The following TNFRSF8 variants were observed in gnomAD, a reference collection of about 807,000 sequenced individuals.
TNFRSF8 encodes the protein tumor necrosis factor receptor superfamily member 8.
A neutral mutation model predicts 70.8 loss-of-function variants in TNFRSF8; 26 were observed. The ratio of observed to expected loss-of-function variants is 0.37; its 90% confidence interval spans 0.27 to 0.51. TNFRSF8 has a LOEUF of 0.51. Ranked by LOEUF, TNFRSF8 falls within the 20% of genes least tolerant of loss-of-function variation. The pLI, the probability that TNFRSF8 is intolerant of heterozygous loss-of-function variation, is 0.94. For missense variants in TNFRSF8, 720 were observed against 807.9 expected, an observed-to-expected ratio of 0.89 and a Z score of 1.32; for synonymous variants, 356 against 339.2, an observed-to-expected ratio of 1.05 and a Z score of -0.54.
chr1:12,118,651 G>C (rs1414468416), intron 8 of TNFRSF8, among the ~76,000 whole-genome samples: 1 of 152,112 alleles, frequency 6.6e-6, no homozygotes, highest in Non-Finnish European at 1.5e-5. Flanking sequence ...GGGATCAGAG[G>C]GCAAGAAAAG....
intron 12 of TNFRSF8, among the ~76,000 whole-genome samples, chr1:12,131,053 G>A (rs1009699231): frequency 2.0e-5 from 3 of 152,266 alleles, no homozygotes; most frequent in Non-Finnish European, 2.9e-5. Flanking sequence ...TCAGTGTGAC[G>A]GAGTGCAGAG....
Position 12,142,708 on chromosome 1 carries a change from A to C in TNFRSF8, c.*177A>C. 1 of 812,926 alleles carries C rather than the reference A, an allele frequency of 1.2e-6. No homozygotes were observed. Among genetic ancestry groups the C allele is most frequent in the South Asian group, 1.9e-5 (1 of 53,124 alleles). 50.4% of individuals were successfully genotyped at this position (812,926 alleles called of 1,614,324 possible). On this transcript the variant is annotated 3_prime_UTR_variant, in exon 15 of 15. Coordinates refer to ENST00000263932, the MANE Select transcript of TNFRSF8 (RefSeq NM_001243.5). The surrounding 1 kb of genome is among the most constrained non-coding windows in gnomAD (Gnocchi z 5.0). ...CTGGTGGTCTCTGCTTGCATCCCCA[A>C]CTTAGCTGTCCCCTGACCCAGAGCC...
At chr1:12,106,288 C>T (rs554224707) in intron 4 of TNFRSF8, among the ~76,000 whole-genome samples, 5 of 152,120 alleles carry the variant, frequency 3.3e-5, no homozygotes, top group South Asian at 4.1e-4. Context: ...GCCCTCTGCA[C>T]GTGCTGTTCT....
intron 1 of TNFRSF8, among the ~76,000 whole-genome samples, chr1:12,082,234 G>C (rs1641076827): frequency 6.6e-6 from 1 of 152,128 alleles, no homozygotes; most frequent in African/African-American, 2.4e-5. Flanking sequence ...TGAAACACAT[G>C]GGGGGCTTGG....
chr1:12,138,106 T>G lies in TNFRSF8; in HGVS notation c.1336-123T>G. The stretch of plus-strand genomic sequence containing the variant: ...AAGCCCGGGGCAGCTCATGGCAGCT[T>G]TTAAAGCAGAAAGGGGGACTCACTG... On this transcript the variant is annotated intron_variant, in intron 13 of 14. Coordinates refer to ENST00000263932, the MANE Select transcript of TNFRSF8 (RefSeq NM_001243.5). The surrounding 1 kb of genome is among the most constrained non-coding windows in gnomAD (Gnocchi z 5.7). 1.9e-6 allele frequency: 2 copies of G among 1,030,590 alleles called. No individual in the cohort carries two copies. Among genetic ancestry groups the G allele is most frequent in the Non-Finnish European group, 2.8e-6 (2 of 720,392 alleles). The allele number at this position is 1,030,590 out of a possible 1,614,324, so 63.8% of individuals were successfully genotyped here. A position where few individuals can be genotyped will look rare whatever the true frequency, so the allele number is the denominator to read the frequency against.
At chr1:12,085,808 T>C (rs1255224681) in intron 2 of TNFRSF8, among the ~76,000 whole-genome samples, 1 of 152,224 alleles carries the variant, frequency 6.6e-6, no homozygotes, top group East Asian at 1.9e-4. Flanking sequence ...ATGAGGCATT[T>C]CTGCCCCTGT....
rs758009197 is a variant in TNFRSF8 at position 12,142,384 on chromosome 1, G to A, written c.1641G>A (p.Glu547=). The change falls in exon 15 of 15, where the codon GAG becomes GAA. Residue 547 remains glutamate, a synonymous_variant. Transcript: ENST00000263932. The surrounding 1 kb of genome is among the most constrained non-coding windows in gnomAD (Gnocchi z 5.0). ...GCCTGGCGGGGCCAGCAGAGCCCGA[G>A]TTGGAGGAGGAGCTGGAGGCGGACC... ...GRGLAGPAEP[E]LEEELEADHT... is the part of the protein sequence containing the mutation. The A allele has an allele frequency of 5.5e-5, 88 of 1,612,028 alleles. No individual in the cohort carries two copies. The highest frequency in any genetic ancestry group is 7.0e-5 in the Non-Finnish European group (83 of 1,179,406).
chr1:12,065,084 T>A (rs1640714602), intron 1 of TNFRSF8, among the ~76,000 whole-genome samples: 1 of 142,690 alleles, frequency 7.0e-6, no homozygotes, highest in African/African-American at 2.7e-5. Context: ...AAACCTTTTT[T>A]TTTTTTTTTT....
chr1:12,083,243 G>C (rs951489080), intron 1 of TNFRSF8, among the ~76,000 whole-genome samples: 1 of 152,228 alleles, frequency 6.6e-6, no homozygotes, highest in Non-Finnish European at 1.5e-5. Flanking sequence ...TAGAAGCCTG[G>C]ATGGAGAATC....
intron 12 of TNFRSF8, among the ~76,000 whole-genome samples, chr1:12,128,502 T>C (rs1641984643): frequency 6.6e-6 from 1 of 152,190 alleles, no homozygotes; most frequent in Non-Finnish European, 1.5e-5. Context: ...CGGTGGCCTG[T>C]GAGGTACTTA....
chr1:12,111,351 T>G (rs1038690403), intron 6 of TNFRSF8, among the ~76,000 whole-genome samples: 2 of 152,074 alleles, frequency 1.3e-5, no homozygotes, highest in Non-Finnish European at 2.9e-5. Context: ...TTGGCTACTT[T>G]TCTTTTTTTT....
At position 12,082,303 on chromosome 1, in the gene TNFRSF8, T is replaced by G. The variant is rs1641078358; in HGVS notation, c.64-2161T>G. On this transcript the variant is annotated intron_variant, in intron 1 of 14. Coordinates refer to ENST00000263932, the MANE Select transcript of TNFRSF8 (RefSeq NM_001243.5). ...GCTCACGCCTGTAATCCCAGCATTGTGGGAGGCTGAGGCAGGAGGATTACT... is the reference window on the plus strand; with the variant it reads ...GCTCACGCCTGTAATCCCAGCATTGGGGGAGGCTGAGGCAGGAGGATTACT... Among the ~76,000 whole-genome samples the G allele has an allele frequency of 2.0e-5, 3 of 151,944 alleles. No individual in the cohort carries two copies. In the South Asian group the frequency reaches 6.2e-4, roughly 32 times the overall value.
At chr1:12,125,270 A>G (rs144804537) in intron 10 of TNFRSF8, among the ~76,000 whole-genome samples, 36 of 152,360 alleles carry the variant, frequency 2.4e-4, no homozygotes, top group Non-Finnish European at 4.6e-4. Flanking sequence ...GGTGTGAAGA[A>G]GTAGATCTAG....
At chr1:12,070,622 C>A (rs1339851482) in intron 1 of TNFRSF8, among the ~76,000 whole-genome samples, 1 of 152,082 alleles carries the variant, frequency 6.6e-6, no homozygotes, top group Non-Finnish European at 1.5e-5. Context: ...CTGTGCCCAG[C>A]TGGAATGTGC....
In TNFRSF8 at chr1:12,093,100, C is replaced by T. The variant is rs375048306; in HGVS notation, c.152-4001C>T. On this transcript the variant is annotated intron_variant, in intron 2 of 14. Coordinates refer to ENST00000263932, the MANE Select transcript of TNFRSF8 (RefSeq NM_001243.5). ...GGATTGCAAGCGTGAGCCACCGCAC[C>T]GGCCAAGTTTCCCCTTTTCATGAGA... Among the ~76,000 whole-genome samples the T allele has an allele frequency of 1.7e-4, 26 of 152,292 alleles. No homozygotes were observed. In the South Asian group the frequency reaches 3.3e-3, roughly 19 times the overall value.
chr1:12,098,706 A>G (rs1341034259), intron 3 of TNFRSF8, among the ~76,000 whole-genome samples: 1 of 152,146 alleles, frequency 6.6e-6, no homozygotes, highest in Non-Finnish European at 1.5e-5. Context: ...AAATTAAGAA[A>G]GGAGGTTATG....
chr1:12,074,823 C>G (rs1172947929), intron 1 of TNFRSF8, among the ~76,000 whole-genome samples: 1 of 152,108 alleles, frequency 6.6e-6, no homozygotes, highest in Non-Finnish European at 1.5e-5. Flanking sequence ...GGGTCTCACT[C>G]TGTTGCCCAG....
At chr1:12,137,406 C>T (rs1281609090) in intron 13 of TNFRSF8, among the ~76,000 whole-genome samples, 6 of 152,126 alleles carry the variant, frequency 3.9e-5, no homozygotes, top group East Asian at 1.9e-4. Flanking sequence ...TGCGTCAGCA[C>T]GGGCATCCCT....
At chr1:12,137,340 A>G (rs1007662503) in intron 13 of TNFRSF8, among the ~76,000 whole-genome samples, 1 of 152,142 alleles carries the variant, frequency 6.6e-6, no homozygotes, top group Non-Finnish European at 1.5e-5. Context: ...AATGGCAAAG[A>G]CGTGATTACT....
Sources: gnomAD v4.1 joint callset for allele counts (sites outside exome capture counted in the v4.1 genomes callset) on GRCh38, gnomAD v4.1.1 for gene constraint, Gnocchi (gnomAD v3.1) non-coding constraint, MANE v1.5 for transcripts, NCBI Gene and HGNC (gene_info 2026-07-23, HGNC 2026-07-21) for gene names.